The following SMG1 variants were observed in gnomAD, a reference collection of about 807,000 sequenced individuals.
SMG1 encodes SMG1 nonsense mediated mRNA decay associated PI3K related kinase.
In SMG1, 22 loss-of-function variants were observed where a neutral mutation model predicts 419.9. The ratio of observed to expected loss-of-function variants is 0.05; its 90% CI spans 0.04 to 0.07. The LOEUF is 0.07. Ranked by LOEUF, SMG1 falls within the 10% of genes least tolerant of loss-of-function variation. The probability of loss-of-function intolerance (pLI) is 1.00; values close to 1 mark genes in which losing one functional copy is unlikely to be tolerated. For synonymous variants in SMG1, 1,538 were observed against 1,553.5 expected (o/e 0.99, Z 0.23); for missense variants, 3,185 against 4,342.0 (o/e 0.73, Z 7.49).
At chr16:18,913,956 C>T (rs2037879373) in intron 1 of SMG1, among the ~76,000 whole-genome samples, 1 of 151,924 alleles carries the variant, frequency 6.6e-6, no homozygotes, top group Admixed American at 6.6e-5. Context: ...CACCTGAGGT[C>T]GGGAGATGAA....
At chr16:18,885,498 T>C (rs1488625356) in intron 7 of SMG1, 43 bp downstream of exon 7, 1 of 1,592,512 alleles carries the variant, frequency 6.3e-7, no homozygotes, top group East Asian at 2.2e-5. Flanking sequence ...CACACAACCA[T>C]CCCCCTCACC....
At chr16:18,811,299 A>T (rs2031373583) in intron 62 of SMG1, among the ~76,000 whole-genome samples, 1 of 152,212 alleles carries the variant, frequency 6.6e-6, no homozygotes, top group Non-Finnish European at 1.5e-5. Context: ...GGTTCTGACT[A>T]GATTTTCACT....
intron 1 of SMG1, among the ~76,000 whole-genome samples, chr16:18,914,203 T>C (rs549597252): frequency 4.6e-5 from 7 of 151,282 alleles, no homozygotes; most frequent in African/African-American, 1.7e-4. Flanking sequence ...TGAAAAAAGT[T>C]TTAAATAATA....
At chr16:18,878,759 G>A (rs1295385301) in intron 11 of SMG1, 5 of 152,550 alleles carry the variant, frequency 3.3e-5, no homozygotes, top group Non-Finnish European at 5.8e-5. Context: ...TATAATCCCA[G>A]TACTTTGGGA....
intron 36 of SMG1, among the ~76,000 whole-genome samples, chr16:18,848,284 T>G (rs1370779290): frequency 6.6e-6 from 1 of 151,994 alleles, no homozygotes; most frequent in Non-Finnish European, 1.5e-5. Flanking sequence ...AAATAATGTA[T>G]TCTTCAAGCC....
At chr16:18,862,863 G>C (rs2035286568) in intron 25 of SMG1, among the ~76,000 whole-genome samples, 1 of 152,284 alleles carries the variant, frequency 6.6e-6, no homozygotes, top group East Asian at 1.9e-4. Context: ...AATACTCCAA[G>C]CCCACCATTC....
intron 47 of SMG1, 56 bp from the exon 48 acceptor site, chr16:18,836,268 TA>T: frequency 6.3e-7 from 1 of 1,591,972 alleles, no homozygotes; most frequent in East Asian, 2.2e-5. Context: ...CAGCTGTCAC[TA>T]AAAGCAAGCA....
At chr16:18,916,306 G>A (rs1161595391) in intron 1 of SMG1, among the ~76,000 whole-genome samples, 1 of 151,362 alleles carries the variant, frequency 6.6e-6, no homozygotes, top group African/African-American at 2.4e-5. Flanking sequence ...ACGAGGTCAG[G>A]AGATCGAGAC....
rs539938285 is a variant in SMG1, at chr16:18,815,065, T to C, written c.10621+110A>G. ...CTAAAATCTGTTCAGTTTAAGATTA[T>C]AGAATGACAGGCCTTAAGTGTTTAA... On this transcript the variant is annotated intron_variant, in intron 60 of 62. Transcript: ENST00000446231. 44 of 726,850 alleles carry C rather than the reference T, an allele frequency of 6.1e-5. No individual in the cohort carries two copies. In the East Asian group the frequency reaches 6.3e-4, roughly 10 times the overall value. 45.0% of individuals were successfully genotyped at this position (726,850 alleles called of 1,614,324 possible).
intron 13 of SMG1, 120 bp from the exon 14 acceptor site, chr16:18,872,744 G>A: frequency 1.2e-6 from 1 of 856,582 alleles, no homozygotes; most frequent in Non-Finnish European, 1.8e-6. Context: ...CAGACTGCAA[G>A]GGATCTAGTA....
At chr16:18,882,863 T>A (rs1321481032) in intron 9 of SMG1, among the ~76,000 whole-genome samples, 1 of 152,162 alleles carries the variant, frequency 6.6e-6, no homozygotes, top group African/African-American at 2.4e-5. Flanking sequence ...CTAGAACCAA[T>A]GTATGCATCT....
At chr16:18,885,372 A>G (rs1171868758) in intron 7 of SMG1, 169 bp downstream of exon 7, 2 of 846,750 alleles carry the variant, frequency 2.4e-6, no homozygotes, top group Non-Finnish European at 3.8e-6. Context: ...CAAATATTTT[A>G]AGGTATGAAT....
intron 1 of SMG1, among the ~76,000 whole-genome samples, chr16:18,920,899 A>T (rs2038171614): frequency 6.6e-6 from 1 of 152,074 alleles, no homozygotes; most frequent in African/African-American, 2.4e-5. Context: ...GCACTTTGGG[A>T]GGCCGAAGCC....
chr16:18,894,552 T>C (rs2037030118), intron 3 of SMG1, among the ~76,000 whole-genome samples: 1 of 152,054 alleles, frequency 6.6e-6, no homozygotes, highest in East Asian at 1.9e-4. Flanking sequence ...ACAAACAGCA[T>C]AGCCTTTGAA....
rs533381057 is a variant in SMG1 at position 18,815,302 on chromosome 16, G to A, written c.10515-21C>T. 4.0e-5 allele frequency: 61 copies of A among 1,541,692 alleles called. 3 individuals are homozygous for A. In the South Asian group the frequency reaches 6.9e-4, roughly 18 times the overall value. On this transcript the variant is annotated intron_variant, in intron 59 of 62. Transcript: ENST00000446231. Reference sequence around the variant, plus strand: ...AGATACTGAAATACAAAATAAAATGGCTTATTTACGAAATGTTTTACCTGA... The same window carrying A: ...AGATACTGAAATACAAAATAAAATGACTTATTTACGAAATGTTTTACCTGA...
At chr16:18,842,974 CTCTT>C (rs1273373433) in intron 39 of SMG1, among the ~76,000 whole-genome samples, 4 of 152,208 alleles carry the variant, frequency 2.6e-5, no homozygotes, top group African/African-American at 7.2e-5. Flanking sequence ...TTTGTTAAGA[CTCTT>C]TCTTTTCCTC....
At chr16:18,888,687 C>A (rs1022387356) in intron 6 of SMG1, among the ~76,000 whole-genome samples, 1 of 151,648 alleles carries the variant, frequency 6.6e-6, no homozygotes, top group Non-Finnish European at 1.5e-5. Context: ...TGGATGGTTT[C>A]GATCTCTTGA....
chr16:18,926,051 C>G lies in SMG1; in HGVS notation c.-10G>C. 6.4e-7 allele frequency: 1 copy of G among 1,565,212 alleles called. No homozygotes were observed. Among genetic ancestry groups the G allele is most frequent in the East Asian group, 2.4e-5 (1 of 40,824 alleles). ...GGGCTCTGCGGCTCATTACCTTCCC[C>G]GACACGACATGGCCAAGCGCCGCCG... On this transcript the variant is annotated 5_prime_UTR_variant, in exon 1 of 63. Coordinates refer to ENST00000446231, the MANE Select transcript of SMG1 (RefSeq NM_015092.5).
At chr16:18,898,530 T>C (rs953647699) in intron 1 of SMG1, among the ~76,000 whole-genome samples, 11 of 152,306 alleles carry the variant, frequency 7.2e-5, no homozygotes, top group African/African-American at 2.6e-4. Flanking sequence ...TACCTAAAAA[T>C]AGCACATTTA....
Sources: allele counts gnomAD v4.1 joint callset (sites outside exome capture counted in the v4.1 genomes callset), GRCh38; gene constraint gnomAD v4.1.1; transcripts MANE v1.5; gene names NCBI Gene and HGNC (gene_info 2026-07-23, HGNC 2026-07-21).